Variants in SCEL observed in about 807,000 individuals in gnomAD.
SCEL encodes sciellin.
Under a neutral mutation model 117.6 loss-of-function variants are expected in SCEL, and 113 were observed. The observed-to-expected ratio is 0.96, with a 90% CI of 0.83 to 1.12. The LOEUF (loss-of-function observed/expected upper bound fraction) is 1.12, where lower values mean the gene tolerates loss of function less well. SCEL is among the 50% of genes most tolerant of loss of function. SCEL has a pLI of 0.00. For missense variants in SCEL, 785 were observed against 810.8 expected, an observed-to-expected ratio of 0.97 and a Z score of 0.39; for synonymous variants, 270 against 256.2, an observed-to-expected ratio of 1.05 and a Z score of -0.51.
At chr13:77,562,317 G>C (rs138108517) in intron 4 of SCEL, among the ~76,000 whole-genome samples, 1 of 152,088 alleles carries the variant, frequency 6.6e-6, no homozygotes, top group Non-Finnish European at 1.5e-5. Context: ...ATGGCCCTCC[G>C]GCACCTGCTT....
intron 27 of SCEL, among the ~76,000 whole-genome samples, chr13:77,622,128 G>A (rs965384821): frequency 2.6e-5 from 4 of 152,100 alleles, no homozygotes; most frequent in South Asian, 2.1e-4. Context: ...TTGAACTAAC[G>A]CCTAATGCCT....
chr13:77,606,674 A>G (rs774370368), intron 19 of SCEL: 1 of 152,204 alleles, frequency 6.6e-6, no homozygotes, highest in Non-Finnish European at 1.5e-5. Flanking sequence ...AATTATTGCT[A>G]CTTTGAGTCT....
At chr13:77,602,580 C>A (rs2087786045) in intron 16 of SCEL, 74 bp from the exon 17 acceptor site, 1 of 1,274,942 alleles carries the variant, frequency 7.8e-7, no homozygotes, top group South Asian at 1.2e-5. Context: ...CATTCAGGGA[C>A]ATTCTTGATT....
chr13:77,577,638 G>A (rs1423743504), intron 9 of SCEL, among the ~76,000 whole-genome samples: 1 of 151,748 alleles, frequency 6.6e-6, no homozygotes, highest in Non-Finnish European at 1.5e-5. Flanking sequence ...TGTTACTTCT[G>A]TCCTGTTCTC....
chr13:77,599,495 C>A, intron 14 of SCEL, 107 bp downstream of exon 14: 3 of 976,616 alleles, frequency 3.1e-6, no homozygotes, highest in African/African-American at 1.6e-5. Flanking sequence ...TGGAAATGTA[C>A]TGGCAGATGG....
chr13:77,552,449 TAGTG>T (rs1382617046), intron 1 of SCEL, among the ~76,000 whole-genome samples: 6 of 152,074 alleles, frequency 3.9e-5, no homozygotes, highest in Admixed American at 6.5e-5. Flanking sequence ...TGGCCAGTGA[TAGTG>T]AGCATTTTTT....
At chr13:77,584,581 G>T (rs537972289) in intron 9 of SCEL, among the ~76,000 whole-genome samples, 3 of 152,122 alleles carry the variant, frequency 2.0e-5, no homozygotes, top group Admixed American at 6.5e-5. Context: ...ATTTTAAAAT[G>T]GAAGAAATTG....
intron 1 of SCEL, among the ~76,000 whole-genome samples, chr13:77,541,653 T>C (rs1002847038): frequency 6.6e-6 from 1 of 152,196 alleles, no homozygotes; most frequent in African/African-American, 2.4e-5. Context: ...AGGCTCTAAA[T>C]GGGCAAAGAA....
rs17067928 is a variant in SCEL, at chr13:77,561,851, A to G, written c.222-1980A>G. Among the ~76,000 whole-genome samples the G allele has an allele frequency of 0.012, 1,854 of 152,274 alleles. 105 individuals carry two copies. In the East Asian group the frequency reaches 0.13, roughly 11 times the overall value. On this transcript the variant is annotated intron_variant, in intron 4 of 32. Transcript: ENST00000349847. The stretch of plus-strand genomic sequence containing the variant: ...AAGGATTATGAGGAAAAATTTCCCA[A>G]ATGGGCAAGGCTGGCTGGTGGGCAT...
intron 16 of SCEL, chr13:77,602,340 A>G (rs1371927348): frequency 5.9e-6 from 3 of 508,408 alleles, no homozygotes; most frequent in East Asian, 3.1e-5. Flanking sequence ...CCTGCTACAT[A>G]ATCTCTTATT....
intron 30 of SCEL, among the ~76,000 whole-genome samples, chr13:77,637,395 T>C (rs1458250546): frequency 8.7e-6 from 1 of 115,226 alleles, no homozygotes; most frequent in African/African-American, 3.2e-5. Context: ...TATATAAATA[T>C]ATATACATAT....
intron 29 of SCEL, among the ~76,000 whole-genome samples, chr13:77,635,088 G>C (rs549727280): frequency 6.6e-6 from 1 of 152,184 alleles, no homozygotes; most frequent in Non-Finnish European, 1.5e-5. Context: ...ATTTCAAAGA[G>C]GTCTAAGAGA....
At position 77,640,771 on chromosome 13, in the gene SCEL, C is replaced by T; in HGVS notation, c.1934C>T (p.Ser645Phe). Residue 645 changes from serine (S) to phenylalanine (F), a missense_variant, in exon 31 of 33, where the codon TCT (serine) becomes TTT (phenylalanine). Transcript: ENST00000349847. ...GATGAATTACAAATTTGCTGCCATT[C>T]TACTTGCTTTAAGGTAAGGATGTGT... ...ILDELQICCH[S>F]TCFKCEICKQ... 1 of 1,565,674 alleles carries T rather than the reference C, an allele frequency of 6.4e-7. No homozygotes were observed. The highest frequency in any genetic ancestry group is 1.7e-5 in the Admixed American group (1 of 58,878).
At chr13:77,644,097 T>C (rs548522968) in intron 32 of SCEL, among the ~76,000 whole-genome samples, 161 bp from the exon 33 acceptor site, 127 of 152,302 alleles carry the variant, frequency 8.3e-4, no homozygotes, top group African/African-American at 2.8e-3. Flanking sequence ...GTACGTCATG[T>C]ACACAGTATG....
intron 8 of SCEL, among the ~76,000 whole-genome samples, chr13:77,571,906 T>C (rs2085655321): frequency 6.6e-6 from 1 of 152,166 alleles, no homozygotes; most frequent in Non-Finnish European, 1.5e-5. Flanking sequence ...TCCACGTTAC[T>C]TAGTGCTAAA....
chr13:77,586,356 G>A (rs1010103922), intron 9 of SCEL, among the ~76,000 whole-genome samples: 12 of 151,966 alleles, frequency 7.9e-5, no homozygotes, highest in African/African-American at 2.4e-4. Context: ...TCTGGCTCCC[G>A]CTTTCTCTCT....
rs775408436 is a variant in SCEL at position 77,617,800 on chromosome 13, A to G, written c.1512-3A>G. On this transcript the variant is annotated splice_region_variant and splice_polypyrimidine_tract_variant and intron_variant, in intron 25 of 32. Coordinates refer to ENST00000349847, the MANE Select transcript of SCEL (RefSeq NM_144777.3). ...TGCTCTCATTTTATTTTTTGATTTA[A>G]AGAAACCAAGATCTTGCTAACCTCA... The G allele has an allele frequency of 1.2e-6, 2 of 1,608,338 alleles. No homozygotes were observed. The highest frequency in any genetic ancestry group is 1.1e-5 in the South Asian group (1 of 90,220).
chr13:77,591,454 A>G lies in SCEL; in HGVS notation c.686A>G (p.Asn229Ser). 2 of 1,542,996 alleles carry G rather than the reference A, an allele frequency of 1.3e-6. No homozygotes were observed. The highest frequency in any genetic ancestry group is 1.8e-6 in the Non-Finnish European group (2 of 1,116,980). The change falls in exon 11 of 33, where the codon AAT becomes AGT. Residue 229 changes from asparagine (N) to serine (S), a missense_variant. Physicochemically the swap from Asn to Ser is conservative, Grantham distance 46 (BLOSUM62 1). Transcript: ENST00000349847. ...YTETNRSAER[N>S]IRSQDLDNIV... Reference sequence around the variant, plus strand: ...GAAACCAACAGATCTGCTGAAAGAAATATAAGGTACACTGATTTCTATTTA... The same window carrying G: ...GAAACCAACAGATCTGCTGAAAGAAGTATAAGGTACACTGATTTCTATTTA...
intron 5 of SCEL, 102 bp downstream of exon 5, chr13:77,564,001 A>T: frequency 1.3e-6 from 1 of 742,566 alleles, no homozygotes; most frequent in Non-Finnish European, 2.1e-6. Flanking sequence ...TAAGGTTTGA[A>T]TCACTGATAT....
Sources: allele counts gnomAD v4.1 joint callset (sites outside exome capture counted in the v4.1 genomes callset), GRCh38; gene constraint gnomAD v4.1.1; transcripts MANE v1.5; gene names NCBI Gene and HGNC (gene_info 2026-07-23, HGNC 2026-07-21).